Variants in ARHGAP15 observed in about 807,000 individuals in gnomAD.
ARHGAP15 encodes the protein rho GTPase-activating protein 15.
Under a neutral mutation model 63.7 loss-of-function variants are expected in ARHGAP15, and 51 were observed. The ratio of observed to expected loss-of-function variants is 0.80; its 90% CI spans 0.64 to 1.01. The LOEUF (loss-of-function observed/expected upper bound fraction) is 1.01, where lower values mean the gene tolerates loss of function less well. Among genes scored for constraint, ARHGAP15 ranks in the 50% least tolerant of loss-of-function variants. The pLI is 0.00. For synonymous variants in ARHGAP15, 191 were observed against 193.8 expected (o/e 0.99, Z 0.12); for missense variants, 560 against 564.6 (o/e 0.99, Z 0.08).
At chr2:143,562,695 C>A (rs922429154) in intron 11 of ARHGAP15, among the ~76,000 whole-genome samples, 1 of 152,190 alleles carries the variant, frequency 6.6e-6, no homozygotes, top group Non-Finnish European at 1.5e-5. Context: ...GCTTTGGAAA[C>A]TTTCTTAGAC....
At chr2:143,536,244 CTCT>C (rs1313015383) in intron 10 of ARHGAP15, among the ~76,000 whole-genome samples, 2 of 152,174 alleles carry the variant, frequency 1.3e-5, no homozygotes, top group African/African-American at 2.4e-5. Flanking sequence ...CCATTCCATT[CTCT>C]TCTTCTATGA....
intron 8 of ARHGAP15, among the ~76,000 whole-genome samples, chr2:143,449,676 A>G (rs1409654835): frequency 1.3e-5 from 2 of 152,060 alleles, no homozygotes; most frequent in African/African-American, 4.8e-5. Flanking sequence ...TAGGCCCACA[A>G]TTTCACAATT....
intron 11 of ARHGAP15, among the ~76,000 whole-genome samples, chr2:143,590,606 C>T (rs1697283669): frequency 6.6e-6 from 1 of 152,176 alleles, no homozygotes; most frequent in Non-Finnish European, 1.5e-5. Context: ...CCATCCATTC[C>T]TCCTGGGTAT....
chr2:143,688,116 T>G (rs72859650), intron 12 of ARHGAP15, among the ~76,000 whole-genome samples: 5,110 of 152,296 alleles, frequency 0.034, 109 homozygotes, highest in Non-Finnish European at 0.052. Flanking sequence ...TGCTTAATTT[T>G]AAAACATGTG....
intron 11 of ARHGAP15, among the ~76,000 whole-genome samples, chr2:143,574,221 G>C (rs1374809487): frequency 6.6e-6 from 1 of 152,082 alleles, no homozygotes; most frequent in African/African-American, 2.4e-5. Flanking sequence ...AATCTAATCA[G>C]TGTGGTTTGC....
intron 10 of ARHGAP15, among the ~76,000 whole-genome samples, chr2:143,534,235 C>T (rs141817435): frequency 1.3e-5 from 2 of 152,324 alleles, no homozygotes; most frequent in Non-Finnish European, 2.9e-5. Flanking sequence ...CTTTCTTCCA[C>T]CTTGAGAAGA....
chr2:143,732,431 A>G (rs948644499), intron 13 of ARHGAP15, among the ~76,000 whole-genome samples: 5 of 152,210 alleles, frequency 3.3e-5, no homozygotes, highest in Admixed American at 6.5e-5. Context: ...AAAATGCAGT[A>G]TATTCTTTGT....
chr2:143,268,900 A>G (rs985987138), intron 6 of ARHGAP15, among the ~76,000 whole-genome samples: 2 of 152,164 alleles, frequency 1.3e-5, no homozygotes, highest in African/African-American at 4.8e-5. Context: ...ATGCAGTACA[A>G]TGGAAAGGGA....
intron 8 of ARHGAP15, among the ~76,000 whole-genome samples, chr2:143,471,328 T>C (rs1462960052): frequency 1.3e-5 from 2 of 150,216 alleles, no homozygotes; most frequent in African/African-American, 5.0e-5. Flanking sequence ...CTGAGCACTT[T>C]TTTGCTTAAA....
intron 2 of ARHGAP15, among the ~76,000 whole-genome samples, chr2:143,195,157 G>A (rs774701437): frequency 6.6e-6 from 1 of 151,964 alleles, no homozygotes; most frequent in Non-Finnish European, 1.5e-5. Context: ...AAATAAGAGT[G>A]TCAGATTTCT....
chr2:143,526,430 T>A (rs1045111918), intron 10 of ARHGAP15, among the ~76,000 whole-genome samples: 1 of 152,166 alleles, frequency 6.6e-6, no homozygotes, highest in Non-Finnish European at 1.5e-5. Flanking sequence ...AACATACTTT[T>A]CCCTTGGAGT....
chr2:143,179,121 T>G (rs540461978), intron 2 of ARHGAP15, among the ~76,000 whole-genome samples: 1 of 152,352 alleles, frequency 6.6e-6, no homozygotes, highest in African/African-American at 2.4e-5. Context: ...ATTAGAGGGC[T>G]TTTTAAAAAT....
intron 10 of ARHGAP15, among the ~76,000 whole-genome samples, chr2:143,552,544 C>T (rs1695610977): frequency 6.8e-6 from 1 of 146,102 alleles, no homozygotes; most frequent in African/African-American, 2.6e-5. Flanking sequence ...GTCTAAGCTT[C>T]TTCAGGAGAA....
chr2:143,214,008 C>T (rs1692652693), intron 3 of ARHGAP15, among the ~76,000 whole-genome samples: 1 of 152,192 alleles, frequency 6.6e-6, no homozygotes, highest in South Asian at 2.1e-4. Context: ...ACACCTTAAA[C>T]CTGTTTATGT....
chr2:143,545,094 T>C (rs765932790), intron 10 of ARHGAP15, among the ~76,000 whole-genome samples: 5 of 152,232 alleles, frequency 3.3e-5, no homozygotes, highest in Non-Finnish European at 7.3e-5. Flanking sequence ...AATAGGACTT[T>C]GCTGATGGTT....
chr2:143,397,811 C>T (rs1687835973), intron 6 of ARHGAP15, among the ~76,000 whole-genome samples: 1 of 152,062 alleles, frequency 6.6e-6, no homozygotes, highest in South Asian at 2.1e-4. Context: ...AATGTTTCAT[C>T]TTCATTTAGA....
intron 6 of ARHGAP15, among the ~76,000 whole-genome samples, chr2:143,409,859 T>C (rs1688371879): frequency 6.6e-6 from 1 of 152,144 alleles, no homozygotes; most frequent in African/African-American, 2.4e-5. Flanking sequence ...GTACACTCTA[T>C]GATATTCCCA....
chr2:143,143,143 G>T (rs1380397219), intron 1 of ARHGAP15, among the ~76,000 whole-genome samples: 2 of 151,972 alleles, frequency 1.3e-5, no homozygotes, highest in East Asian at 3.9e-4. Context: ...CTCACCTTGA[G>T]GGGAGAAGCC....
intron 11 of ARHGAP15, chr2:143,606,777 C>T (rs1031941727): frequency 6.6e-6 from 1 of 152,222 alleles, no homozygotes; most frequent in African/African-American, 2.4e-5. Context: ...ACTACAGGCT[C>T]TGACCACATG....
Sources: gnomAD v4.1 joint callset for allele counts (sites outside exome capture counted in the v4.1 genomes callset) on GRCh38, gnomAD v4.1.1 for gene constraint, MANE v1.5 for transcripts, NCBI Gene and HGNC (gene_info 2026-07-23, HGNC 2026-07-21) for gene names.